The following MTMR12 variants were observed in gnomAD, a reference collection of about 807,000 sequenced individuals.
The protein encoded by MTMR12 is myotubularin related protein 12.
In MTMR12, 33 loss-of-function variants were observed where a neutral mutation model predicts 96.7. That is an observed-to-expected ratio of 0.34 (90% CI 0.26 to 0.46). The LOEUF is 0.46. Ranked by LOEUF, MTMR12 falls within the 20% of genes least tolerant of loss-of-function variation. The pLI is 1.00. For synonymous variants in MTMR12, 298 were observed against 327.2 expected, an observed-to-expected ratio of 0.91 and a Z score of 0.96; for missense variants, 721 against 896.1, an observed-to-expected ratio of 0.80 and a Z score of 2.49.
intron 10 of MTMR12, among the ~76,000 whole-genome samples, chr5:32,245,291 C>T (rs1186854363): frequency 6.6e-6 from 1 of 152,220 alleles, no homozygotes; most frequent in Non-Finnish European, 1.5e-5. Context: ...CCACCTCGGC[C>T]TCCCAAAGTG....
Position 32,230,073 on chromosome 5 carries a change from G to A in MTMR12, c.1949C>T (p.Ala650Val). ...AQRYLRWIPE[A>V]QILGGGQVAT... ...CACTTGGCCACCACCTAGGATTTGG[G>A]CTTCTGGAATCCAACGTAGGTAGCG... The change falls in exon 16 of 16, where the codon GCC becomes GTC. Residue 650 changes from alanine to valine, a missense_variant. Transcript: ENST00000382142. 1.9e-6 allele frequency: 3 copies of A among 1,612,962 alleles called. No individual in the cohort carries two copies. The highest frequency in any genetic ancestry group is 1.7e-6 in the Non-Finnish European group (2 of 1,179,162).
intron 14 of MTMR12, chr5:32,234,751 GTTCAAT>G: frequency 4.5e-6 from 2 of 444,272 alleles, no homozygotes. Flanking sequence ...TGTAGTTAGT[GTTCAAT>G]ATCTTTTTTA....
intron 1 of MTMR12, among the ~76,000 whole-genome samples, chr5:32,290,836 TA>T (rs1478910288): frequency 2.0e-5 from 3 of 152,192 alleles, no homozygotes; most frequent in Admixed American, 6.6e-5. Flanking sequence ...CTTCTGCAGA[TA>T]ACGACTCTCC....
chr5:32,282,382 C>T (rs1467856380), intron 1 of MTMR12, among the ~76,000 whole-genome samples: 3 of 150,672 alleles, frequency 2.0e-5, no homozygotes, highest in African/African-American at 7.3e-5. Flanking sequence ...GATTGTGCCA[C>T]TGCACTCCAG....
At position 32,230,199 on chromosome 5, in the gene MTMR12, T is replaced by C. The variant is rs994686202; in HGVS notation, c.1823A>G (p.Asn608Ser). 1 of 1,614,080 alleles carries C rather than the reference T, an allele frequency of 6.2e-7. No individual in the cohort carries two copies. The highest frequency in any genetic ancestry group is 8.5e-7 in the Non-Finnish European group (1 of 1,180,042). Residue 608 changes from asparagine to serine, a missense_variant, in exon 16 of 16, where the codon AAC (asparagine) becomes AGC (serine). By Grantham distance (46) the Asn-to-Ser change is conservative. Transcript: ENST00000382142. ...LINSSDELQD[N>S]FREFYDSWHS... ...CCAGCTGTCATAGAACTCTCGAAAG[T>C]TGTCTTGGAGCTCATCAGAAGAATT...
chr5:32,289,353 CTT>C (rs1222677940), intron 1 of MTMR12, among the ~76,000 whole-genome samples: 1 of 152,198 alleles, frequency 6.6e-6, no homozygotes, highest in Non-Finnish European at 1.5e-5. Context: ...AATTTCCAGA[CTT>C]GAGCCAGTTT....
chr5:32,278,843 C>A (rs1008098407), intron 1 of MTMR12, among the ~76,000 whole-genome samples: 2 of 151,924 alleles, frequency 1.3e-5, no homozygotes, highest in Non-Finnish European at 2.9e-5. Flanking sequence ...TTTGGGAGGC[C>A]GAGGTGGACG....
chr5:32,229,532 C>T lies in MTMR12; in HGVS notation c.*246G>A, dbSNP rs1030554145. On this transcript the variant is annotated 3_prime_UTR_variant, in exon 16 of 16. Coordinates refer to ENST00000382142, the MANE Select transcript of MTMR12 (RefSeq NM_001040446.3). ...ATACTTAGGCATCAGAAAACGGCCA[C>T]AACCCTATTACGGGTCAAGTAATAA... 8.5e-6 allele frequency: 3 copies of T among 352,852 alleles called. No individual in the cohort carries two copies. Among genetic ancestry groups the T allele is most frequent in the African/African-American group, 6.3e-5 (3 of 47,684 alleles). 21.9% of individuals were successfully genotyped at this position (352,852 alleles called of 1,614,324 possible).
rs747984755 is a variant in MTMR12, at chr5:32,274,098, C to T, written c.167G>A (p.Ser56Asn). 71 of 1,614,082 alleles carry T rather than the reference C, an allele frequency of 4.4e-5. No individual in the cohort carries two copies. Among genetic ancestry groups the T allele is most frequent in the Non-Finnish European group, 5.3e-5 (63 of 1,180,034 alleles). ...LPGEQLLCEA[S>N]TVLKYVQEDS... ...TTCCTGGACATACTTCAGTACTGTG[C>T]TGGCTTCACAAAGCAGCTGTTCACC... Residue 56 changes from serine (S) to asparagine (N), a missense_variant, in exon 3 of 16, where the codon AGC (serine) becomes AAC (asparagine). Ser to Asn is a conservative substitution (Grantham distance 46). Transcript: ENST00000382142.
chr5:32,246,957 T>A (rs963811119), intron 10 of MTMR12, among the ~76,000 whole-genome samples: 1 of 152,216 alleles, frequency 6.6e-6, no homozygotes, highest in Admixed American at 6.5e-5. Context: ...TTTTTCATAA[T>A]ATACATTTTC....
intron 3 of MTMR12, 39 bp downstream of exon 3, chr5:32,273,941 T>G (rs1264893079): frequency 6.2e-7 from 1 of 1,612,286 alleles, no homozygotes; most frequent in Non-Finnish European, 8.5e-7. Flanking sequence ...ACAACCACAC[T>G]GTTGCCCACA....
intron 13 of MTMR12, among the ~76,000 whole-genome samples, chr5:32,235,404 T>C (rs1435221494): frequency 1.3e-5 from 2 of 152,244 alleles, no homozygotes; most frequent in Non-Finnish European, 2.9e-5. Flanking sequence ...GCATCTGCAA[T>C]TGATTCTGAT....
chr5:32,253,788 AT>A (rs1313514213), intron 8 of MTMR12, among the ~76,000 whole-genome samples: 1 of 152,140 alleles, frequency 6.6e-6, no homozygotes. Flanking sequence ...TACCAGGCTA[AT>A]TTTAAAAAAT....
At chr5:32,276,809 G>T in intron 1 of MTMR12, 67 bp from the exon 2 acceptor site, 1 of 1,282,930 alleles carries the variant, frequency 7.8e-7, no homozygotes, top group Non-Finnish European at 1.1e-6. Context: ...ATTAAGCCAT[G>T]CTTTCAGAAT....
Position 32,230,450 on chromosome 5 carries a change from A to G in MTMR12, c.1675-103T>C, listed in dbSNP as rs543479697. ...GCATAACCCTGCTTTAACAAGTTCC[A>G]AGAGACATCAGTGTTGCCATGTGAA... On this transcript the variant is annotated intron_variant, in intron 15 of 15. Transcript: ENST00000382142. 3.6e-6 allele frequency: 4 copies of G among 1,125,066 alleles called. No individual in the cohort carries two copies. In the Admixed American group the frequency reaches 9.7e-5, roughly 27 times the overall value. The allele number at this position is 1,125,066 out of a possible 1,614,324, so 69.7% of individuals were successfully genotyped here.
At chr5:32,256,106 T>C (rs1431329378) in intron 7 of MTMR12, among the ~76,000 whole-genome samples, 1 of 152,338 alleles carries the variant, frequency 6.6e-6, no homozygotes, top group African/African-American at 2.4e-5. Flanking sequence ...ATTGGGAGTA[T>C]TGTTCTCATA....
chr5:32,233,030 G>A lies in MTMR12; in HGVS notation c.1674+743C>T. ...GGGCCTGGAGACAGAGCTAGGAAATGTCAGTTAAATAATTCATCAGTTAGG... is the reference window on the plus strand; with the variant it reads ...GGGCCTGGAGACAGAGCTAGGAAATATCAGTTAAATAATTCATCAGTTAGG... On this transcript the variant is annotated intron_variant, in intron 15 of 15. Transcript: ENST00000382142. This position sits in a 1 kb window ranked among gnomAD's most constrained non-coding sequence, Gnocchi z 5.0. The A allele has an allele frequency of 1.0e-6, 1 of 982,446 alleles. No homozygotes were observed. The highest frequency in any genetic ancestry group is 1.2e-6 in the Non-Finnish European group (1 of 827,162). The allele number at this position is 982,446 out of a possible 1,614,324, so 60.9% of individuals were successfully genotyped here.
chr5:32,268,620 G>T, intron 6 of MTMR12, 81 bp downstream of exon 6: 1 of 1,170,970 alleles, frequency 8.5e-7, no homozygotes, highest in Non-Finnish European at 1.3e-6. Flanking sequence ...ACAACCCATA[G>T]ATGTGTTCTC....
intron 1 of MTMR12, among the ~76,000 whole-genome samples, chr5:32,294,715 T>C (rs77898692): frequency 0.015 from 2,336 of 152,322 alleles, 30 homozygotes; most frequent in Non-Finnish European, 0.024. Flanking sequence ...AGCCTCAACT[T>C]CTAGCATATA....
Sources: gnomAD v4.1 joint callset for allele counts (sites outside exome capture counted in the v4.1 genomes callset) on GRCh38, gnomAD v4.1.1 for gene constraint, Gnocchi (gnomAD v3.1) non-coding constraint, MANE v1.5 for transcripts, NCBI Gene and HGNC (gene_info 2026-07-23, HGNC 2026-07-21) for gene names.